DLG2: variants seen among roughly 807,000 people sequenced by gnomAD.
DLG2 encodes the protein disks large homolog 2.
In DLG2, 45 loss-of-function variants were observed where a neutral mutation model predicts 132.5. The observed-to-expected ratio is 0.34, with a 90% CI of 0.27 to 0.44. The LOEUF is 0.44. DLG2 is among the 20% of genes least tolerant of loss of function. The pLI is 1.00. For synonymous variants in DLG2, 424 were observed against 419.6 expected (o/e 1.01, Z -0.13); for missense variants, 1,045 against 1,196.9 (o/e 0.87, Z 1.87).
chr11:83,826,368 T>C (rs996832283), intron 17 of DLG2, among the ~76,000 whole-genome samples: 1 of 152,080 alleles, frequency 6.6e-6, no homozygotes, highest in Non-Finnish European at 1.5e-5. Flanking sequence ...CTGTTTTCAT[T>C]TGAGGTGGTC....
chr11:85,464,130 T>C (rs2092706375), intron 3 of DLG2, among the ~76,000 whole-genome samples: 2 of 152,072 alleles, frequency 1.3e-5, no homozygotes, highest in Non-Finnish European at 2.9e-5. Context: ...CCTTTCTATC[T>C]GAAACTTAAG....
intron 6 of DLG2, among the ~76,000 whole-genome samples, chr11:84,772,394 G>A (rs2069583702): frequency 6.6e-6 from 1 of 152,086 alleles, no homozygotes; most frequent in African/African-American, 2.4e-5. Context: ...CATTGAGGCA[G>A]AATAGTATCA....
chr11:84,788,152 C>T (rs1488742899), intron 6 of DLG2, among the ~76,000 whole-genome samples: 1 of 146,878 alleles, frequency 6.8e-6, no homozygotes, highest in Non-Finnish European at 1.5e-5. Context: ...CATCAATCTC[C>T]ACAAGACACA....
At chr11:83,484,708 T>C (rs2093387135) in intron 21 of DLG2, among the ~76,000 whole-genome samples, 1 of 152,134 alleles carries the variant, frequency 6.6e-6, no homozygotes, top group Non-Finnish European at 1.5e-5. Context: ...AGAAAACGCT[T>C]TATTGGAGAA....
At chr11:84,714,611 T>TCTCTCTCTCTC (rs2060930685) in intron 6 of DLG2, among the ~76,000 whole-genome samples, 3 of 93,528 alleles carry the variant, frequency 3.2e-5, no homozygotes, top group African/African-American at 1.4e-4. Context: ...CTCTTTCTCT[T>TCTCTCTCTCTC]TCTCTTTCTC....
intron 6 of DLG2, among the ~76,000 whole-genome samples, chr11:84,540,887 T>C (rs1591919937): frequency 6.6e-6 from 1 of 152,278 alleles, no homozygotes; most frequent in Admixed American, 6.5e-5. Flanking sequence ...TCATGTACTT[T>C]GTAGGGACAT....
intron 7 of DLG2, among the ~76,000 whole-genome samples, chr11:84,297,099 C>T (rs140704813): frequency 6.7e-6 from 1 of 149,012 alleles, no homozygotes; most frequent in Non-Finnish European, 1.5e-5. Flanking sequence ...AAGATCAATA[C>T]TCACCCATGT....
intron 6 of DLG2, among the ~76,000 whole-genome samples, chr11:84,843,086 T>A (rs955821344): frequency 6.6e-6 from 1 of 152,026 alleles, no homozygotes; most frequent in African/African-American, 2.4e-5. Context: ...GTTAACCATA[T>A]AGTATTGTGC....
chr11:85,274,432 C>A (rs927959744), intron 4 of DLG2, among the ~76,000 whole-genome samples: 1 of 152,158 alleles, frequency 6.6e-6, no homozygotes, highest in African/African-American at 2.4e-5. Flanking sequence ...TTATCTAAAA[C>A]ATACTTTCAC....
At chr11:85,435,036 TA>T (rs2091403393) in intron 3 of DLG2, among the ~76,000 whole-genome samples, 2 of 152,204 alleles carry the variant, frequency 1.3e-5, no homozygotes, top group Non-Finnish European at 2.9e-5. Context: ...TCAATAAATG[TA>T]ATCCATCACA....
At chr11:83,953,977 G>A (rs1246607551) in intron 14 of DLG2, among the ~76,000 whole-genome samples, 2 of 152,114 alleles carry the variant, frequency 1.3e-5, no homozygotes, top group East Asian at 3.8e-4. Context: ...AAAATGTAAT[G>A]CAACATTGAT....
At chr11:84,586,871 A>C (rs1330079280) in intron 6 of DLG2, among the ~76,000 whole-genome samples, 3 of 152,308 alleles carry the variant, frequency 2.0e-5, no homozygotes, top group Middle Eastern at 3.4e-3. Context: ...CCCATCCTCC[A>C]AAAAAGTACA....
At chr11:85,092,944 T>C (rs1054421733) in intron 6 of DLG2, among the ~76,000 whole-genome samples, 1 of 152,182 alleles carries the variant, frequency 6.6e-6, no homozygotes, top group African/African-American at 2.4e-5. Context: ...CCCAGCTACA[T>C]GTGATGTTTT....
At chr11:84,003,396 A>G (rs918304933) in intron 11 of DLG2, among the ~76,000 whole-genome samples, 1 of 152,136 alleles carries the variant, frequency 6.6e-6, no homozygotes, top group Middle Eastern at 3.2e-3. Context: ...ATTTTCCTGT[A>G]TTAGTCCATT....
intron 6 of DLG2, among the ~76,000 whole-genome samples, chr11:85,018,313 G>GCAAAAT (rs2059736407): frequency 6.6e-6 from 1 of 152,076 alleles, no homozygotes. Flanking sequence ...ACACAAATAT[G>GCAAAAT]CAAAATCACT....
chr11:85,111,099 T>C (rs568877678), intron 6 of DLG2, among the ~76,000 whole-genome samples: 2 of 152,236 alleles, frequency 1.3e-5, no homozygotes, highest in East Asian at 1.9e-4. Flanking sequence ...AGTGCTACAA[T>C]TGATGCACTA....
At chr11:85,227,308 A>T (rs2075035788) in intron 4 of DLG2, among the ~76,000 whole-genome samples, 1 of 152,218 alleles carries the variant, frequency 6.6e-6, no homozygotes, top group Admixed American at 6.5e-5. Flanking sequence ...TCAAGAAAAA[A>T]TTTTTAATAA....
At chr11:84,293,705 T>C (rs1016658591) in intron 7 of DLG2, among the ~76,000 whole-genome samples, 1 of 152,132 alleles carries the variant, frequency 6.6e-6, no homozygotes, top group East Asian at 1.9e-4. Flanking sequence ...AATAAAGATA[T>C]CATAAAGGCT....
At chr11:85,175,831 A>G (rs1463319882) in intron 4 of DLG2, among the ~76,000 whole-genome samples, 3 of 152,216 alleles carry the variant, frequency 2.0e-5, no homozygotes, top group Non-Finnish European at 4.4e-5. Context: ...AGGCAAGCAG[A>G]GAGCCAAATC....
Sources: allele counts gnomAD v4.1 joint callset (sites outside exome capture counted in the v4.1 genomes callset), GRCh38; gene constraint gnomAD v4.1.1; transcripts MANE v1.5; gene names NCBI Gene and HGNC (gene_info 2026-07-23, HGNC 2026-07-21).